HYDIN: variants seen among roughly 807,000 people sequenced by gnomAD.
HYDIN encodes the protein HYDIN axonemal central pair apparatus protein.
HYDIN carries 132 observed loss-of-function variants against 403.9 expected under a neutral mutation model. That is an observed-to-expected ratio of 0.33 (90% CI 0.28 to 0.38). HYDIN has a LOEUF of 0.38. Among genes scored for constraint, HYDIN ranks in the 10% least tolerant of loss-of-function variants. The pLI is 1.00. For missense variants in HYDIN, 2,827 were observed against 5,009.5 expected (o/e 0.56, Z 13.15); for synonymous variants, 1,202 against 1,891.7 (o/e 0.64, Z 9.46).
intron 5 of HYDIN, among the ~76,000 whole-genome samples, chr16:71,164,797 G>T (rs1487998204): frequency 1.6e-5 from 2 of 125,732 alleles, no homozygotes; most frequent in Non-Finnish European, 3.3e-5. Flanking sequence ...AACAGCTTCA[G>T]CCCAAAGGGG....
At chr16:71,172,467 C>T (rs1018065052) in intron 5 of HYDIN, among the ~76,000 whole-genome samples, 1 of 152,126 alleles carries the variant, frequency 6.6e-6, no homozygotes, top group Admixed American at 6.5e-5. Flanking sequence ...CACATTTCTA[C>T]AGTATATGAT....
At chr16:70,842,111 G>T (rs1239772873) in intron 75 of HYDIN, among the ~76,000 whole-genome samples, 1 of 150,592 alleles carries the variant, frequency 6.6e-6, no homozygotes, top group African/African-American at 2.5e-5. Context: ...CCTAATATCT[G>T]GTCAATCCTG....
chr16:70,950,938 G>C (rs888801794), intron 41 of HYDIN, among the ~76,000 whole-genome samples: 1 of 152,178 alleles, frequency 6.6e-6, no homozygotes, highest in African/African-American at 2.4e-5. Flanking sequence ...GGTCCACTTA[G>C]AGAAATCTTG....
At chr16:71,158,792 T>A (rs2085888398) in intron 6 of HYDIN, among the ~76,000 whole-genome samples, 1 of 150,560 alleles carries the variant, frequency 6.6e-6, no homozygotes, top group Admixed American at 6.6e-5. Flanking sequence ...ACCAATCCTC[T>A]TACCTTGGCC....
rs1483230494 is a variant in HYDIN at position 70,803,227 on chromosome 16, A to G, written c.*4353T>C. On this transcript the variant is annotated 3_prime_UTR_variant, in exon 86 of 86. Transcript: ENST00000393567. ...TTCTGGCTCAGGTTGCTAAGTAACCAGTTTTTTATTCAAGGCCCAGACCAA... is the reference window on the plus strand; with the variant it reads ...TTCTGGCTCAGGTTGCTAAGTAACCGGTTTTTTATTCAAGGCCCAGACCAA... Among the ~76,000 whole-genome samples the G allele has an allele frequency of 6.6e-6, 1 of 152,186 alleles. No homozygotes were observed. The highest frequency in any genetic ancestry group is 1.5e-5 in the Non-Finnish European group (1 of 68,030).
chr16:70,864,863 C>T (rs1597159325), intron 67 of HYDIN, among the ~76,000 whole-genome samples: 1 of 152,218 alleles, frequency 6.6e-6, no homozygotes, highest in African/African-American at 2.4e-5. Context: ...GTAGTGGGAA[C>T]GCAGCCACAG....
At chr16:70,993,382 T>C (rs965645192) in intron 23 of HYDIN, among the ~76,000 whole-genome samples, 77 of 151,902 alleles carry the variant, frequency 5.1e-4, no homozygotes, top group Non-Finnish European at 9.6e-4. Flanking sequence ...AACACTCATC[T>C]GCTTAATATC....
intron 9 of HYDIN, among the ~76,000 whole-genome samples, chr16:71,126,408 G>A (rs1170295114): frequency 6.6e-6 from 1 of 152,154 alleles, no homozygotes; most frequent in African/African-American, 2.4e-5. Flanking sequence ...TCAAGATGAG[G>A]ACCAAAAATG....
intron 57 of HYDIN, among the ~76,000 whole-genome samples, chr16:70,891,207 GA>G (rs2041445556): frequency 1.3e-5 from 2 of 151,508 alleles, no homozygotes; most frequent in Admixed American, 1.3e-4. Flanking sequence ...TTATTTTTTT[GA>G]GACAGAGTCT....
In HYDIN at chr16:71,209,298, T is replaced by C. The variant is rs539279271; in HGVS notation, c.-24+21264A>G. ...AACAGAACTGAAGACAAAAACCACA[T>C]GATTATCTCAATAGATGAAGAAAAG... On this transcript the variant is annotated intron_variant, in intron 1 of 85. Coordinates refer to ENST00000393567, the MANE Select transcript of HYDIN (RefSeq NM_001270974.2). Among the ~76,000 whole-genome samples the C allele has an allele frequency of 4.6e-5, 7 of 151,296 alleles. No homozygotes were observed. In the East Asian group the frequency reaches 7.7e-4, roughly 17 times the overall value.
At position 70,872,263 on chromosome 16, in the gene HYDIN, C is replaced by T. The variant is rs2040156314; in HGVS notation, c.10949-84G>A. On this transcript the variant is annotated intron_variant, in intron 64 of 85. Coordinates refer to ENST00000393567, the MANE Select transcript of HYDIN (RefSeq NM_001270974.2). ...CCTTAAGGAGGCATAGTGCTTCACT[C>T]ACATGCAGTCCTTCCATCCTTGGAT... is the stretch of plus-strand genomic sequence containing the variant. 5.3e-6 allele frequency: 3 copies of T among 564,870 alleles called. No homozygotes were observed. In the East Asian group the frequency reaches 9.7e-5, roughly 18 times the overall value. The allele number at this position is 564,870 out of a possible 1,614,324, so 35.0% of individuals were successfully genotyped here. A position where few individuals can be genotyped will look rare whatever the true frequency, so the allele number is the denominator to read the frequency against.
intron 45 of HYDIN, among the ~76,000 whole-genome samples, chr16:70,927,586 G>C (rs898610905): frequency 1.3e-5 from 2 of 152,030 alleles, no homozygotes; most frequent in African/African-American, 4.8e-5. Context: ...TCAAAGTGCT[G>C]GGCAGGAGCA....
chr16:71,025,074 G>A (rs1597577992), intron 21 of HYDIN, among the ~76,000 whole-genome samples: 1 of 152,070 alleles, frequency 6.6e-6, no homozygotes, highest in Admixed American at 6.5e-5. Flanking sequence ...CTCTGCCTTG[G>A]GTTTATTTTA....
chr16:71,186,193 C>T (rs1450281362), intron 2 of HYDIN, among the ~76,000 whole-genome samples: 3 of 151,916 alleles, frequency 2.0e-5, no homozygotes, highest in East Asian at 1.9e-4. Context: ...GAATACTATC[C>T]CTGGCACTAT....
intron 13 of HYDIN, among the ~76,000 whole-genome samples, chr16:71,072,598 A>G (rs1181334687): frequency 1.3e-5 from 2 of 150,470 alleles, no homozygotes; most frequent in African/African-American, 2.4e-5. Flanking sequence ...ACTGATCTTA[A>G]GTTGGCCCAG....
At chr16:70,859,402 A>G (rs1202248093) in intron 71 of HYDIN, among the ~76,000 whole-genome samples, 1 of 152,240 alleles carries the variant, frequency 6.6e-6, no homozygotes, top group Non-Finnish European at 1.5e-5. Flanking sequence ...GTCATCTACC[A>G]GAGAAGCCCT....
chr16:70,810,804 C>G (rs1473207617), intron 84 of HYDIN, among the ~76,000 whole-genome samples: 1 of 152,000 alleles, frequency 6.6e-6, no homozygotes, highest in African/African-American at 2.4e-5. Context: ...TAGTCCACAG[C>G]CTGGGCAACA....
chr16:71,003,792 C>T (rs1163058422), intron 23 of HYDIN, among the ~76,000 whole-genome samples: 1 of 150,438 alleles, frequency 6.6e-6, no homozygotes, highest in Non-Finnish European at 1.5e-5. Flanking sequence ...GGGCGAGACT[C>T]CATCTCAAAA....
At chr16:70,810,093 G>C in intron 84 of HYDIN, 86 bp from the exon 85 acceptor site, 1 of 1,263,684 alleles carries the variant, frequency 7.9e-7, no homozygotes, top group South Asian at 1.3e-5. Flanking sequence ...CTCCATAGCA[G>C]GTTGGGGGCA....
Sources: allele counts gnomAD v4.1 joint callset (sites outside exome capture counted in the v4.1 genomes callset), GRCh38; gene constraint gnomAD v4.1.1; transcripts MANE v1.5; gene names NCBI Gene and HGNC (gene_info 2026-07-23, HGNC 2026-07-21).